The following ADGRE2 variants were observed in gnomAD, a reference collection of about 807,000 sequenced individuals.
ADGRE2 encodes the protein adhesion G protein-coupled receptor E2.
A neutral mutation model predicts 100.8 loss-of-function variants in ADGRE2; 83 were observed. The observed-to-expected ratio is 0.82, with a 90% confidence interval of 0.69 to 0.99. The LOEUF is 0.99. Among genes scored for constraint, ADGRE2 ranks in the 50% least tolerant of loss-of-function variants. The pLI, the probability that ADGRE2 is intolerant of heterozygous loss-of-function variation, is 0.00. For missense variants in ADGRE2, 814 were observed against 1,035.7 expected (o/e 0.79, Z 2.94); for synonymous variants, 355 against 413.0 (o/e 0.86, Z 1.70).
chr19:14,768,071 G>C (rs1430997331), intron 5 of ADGRE2, among the ~76,000 whole-genome samples: 1 of 152,210 alleles, frequency 6.6e-6, no homozygotes, highest in Non-Finnish European at 1.5e-5. Flanking sequence ...CATGGCTCCA[G>C]CATCTGCTTC....
intron 4 of ADGRE2, 119 bp from the exon 5 acceptor site, chr19:14,772,616 C>T (rs950132514): frequency 3.3e-6 from 4 of 1,210,150 alleles, no homozygotes; most frequent in Non-Finnish European, 2.3e-6. Flanking sequence ...GAAAGGATCT[C>T]AAGTTGCACT....
At chr19:14,748,667 T>C (rs2043167485) in intron 16 of ADGRE2, among the ~76,000 whole-genome samples, 1 of 152,184 alleles carries the variant, frequency 6.6e-6, no homozygotes. Flanking sequence ...TCGTTTTCAT[T>C]TGTTTTGGGT....
the ADGRE2 span, among the ~76,000 whole-genome samples, chr19:14,726,729 A>G: frequency 6.6e-6 from 1 of 152,184 alleles, no homozygotes; most frequent in South Asian, 2.1e-4. Flanking sequence ...GGGAATAACA[A>G]GGCTGACCTT....
chr19:14,736,048 C>T lies in ADGRE2; in HGVS notation c.*188G>A. Reference sequence around the variant, plus strand: ...AGAGTTTGATGAGCACATTGCAGGGCATGGAAGATTTCCGGTTTCTGCAGG... The same window carrying T: ...AGAGTTTGATGAGCACATTGCAGGGTATGGAAGATTTCCGGTTTCTGCAGG... On this transcript the variant is annotated 3_prime_UTR_variant, in exon 21 of 21. Transcript: ENST00000315576. The T allele has an allele frequency of 1.6e-6, 1 of 608,662 alleles. No homozygotes were observed. The highest frequency in any genetic ancestry group is 2.0e-5 in the South Asian group (1 of 49,816). 37.7% of individuals were successfully genotyped at this position (608,662 alleles called of 1,614,324 possible).
chr19:14,758,884 CAAA>C (rs77345554), intron 11 of ADGRE2, among the ~76,000 whole-genome samples: 1 of 110,458 alleles, frequency 9.1e-6, no homozygotes, highest in Non-Finnish European at 1.7e-5. Context: ...GACTCCGTCT[CAAA>C]AAAAAAAAAA....
chr19:14,765,221 C>T, intron 10 of ADGRE2, 99 bp downstream of exon 10: 1 of 1,246,960 alleles, frequency 8.0e-7, no homozygotes, highest in Non-Finnish European at 1.2e-6. Context: ...GCACCCACTG[C>T]ATTGGGTCCT....
At chr19:14,726,801 A>G in the ADGRE2 span, among the ~76,000 whole-genome samples, 4 of 152,084 alleles carry the variant, frequency 2.6e-5, no homozygotes, top group Non-Finnish European at 4.4e-5. Context: ...CACTGTCCAT[A>G]TCTCTACCAG....
At chr19:14,759,127 G>C (rs1388276397) in intron 11 of ADGRE2, among the ~76,000 whole-genome samples, 1 of 152,100 alleles carries the variant, frequency 6.6e-6, no homozygotes, top group African/African-American at 2.4e-5. Context: ...CTACCTGGCT[G>C]GCTCCACGTT....
At chr19:14,774,431 AACAG>A in intron 2 of ADGRE2, 125 bp from the exon 3 acceptor site, 2 of 1,503,910 alleles carry the variant, frequency 1.3e-6, no homozygotes, top group Non-Finnish European at 1.8e-6. Flanking sequence ...CCATCGTTCA[AACAG>A]AGTGAGCAGA....
Position 14,766,369 on chromosome 19 carries a change from C to A in ADGRE2, c.500G>T (p.Cys167Phe), listed in dbSNP as rs773667126. The A allele has an allele frequency of 1.9e-6, 3 of 1,613,822 alleles. No homozygotes were observed. In the East Asian group the frequency reaches 6.7e-5, roughly 36 times the overall value. ...DPKLCTDVNE[C>F]TSGQNPCHSS... ...GTGGCATGGGTTTTGTCCGGAGGTGCATTCATTCACATCTGAGGACAAAGC... is the reference window on the plus strand; with the variant it reads ...GTGGCATGGGTTTTGTCCGGAGGTGAATTCATTCACATCTGAGGACAAAGC... The change falls in exon 7 of 21, where the codon TGC becomes TTC. Residue 167 changes from cysteine (C) to phenylalanine (F), a missense_variant. Physicochemically the swap from Cys to Phe is radical, Grantham distance 205 (BLOSUM62 -2). This residue lies in a region of ADGRE2 where 69 missense variants were observed against 75.3 expected (regional missense o/e 0.92). Transcript: ENST00000315576.
At chr19:14,730,865 T>G (rs1429700526), downstream of ADGRE2, among the ~76,000 whole-genome samples, 1 of 151,886 alleles carries the variant, frequency 6.6e-6, no homozygotes, top group African/African-American at 2.4e-5. Context: ...TATGTTCACG[T>G]GTACCCAATA....
Position 14,772,476 on chromosome 19 carries a change from A to G in ADGRE2, c.221T>C (p.Leu74Pro), listed in dbSNP as rs778777170. ...TCDDINECAT[L>P]SKVSCGKFSD... ...GAATTTTCCGCATGACACTTTCGAC[A>G]GTGTTGCACACTCGTTGATGTCTGG... Residue 74 changes from leucine to proline, a missense_variant, in exon 5 of 21, where the codon CTG becomes CCG. This residue lies in a region of ADGRE2 where 143 missense variants were observed against 160.3 expected (regional missense o/e 0.89). Coordinates refer to ENST00000315576, the MANE Select transcript of ADGRE2 (RefSeq NM_013447.4). The G allele has an allele frequency of 1.1e-5, 18 of 1,613,874 alleles. No homozygotes were observed. The highest frequency in any genetic ancestry group is 6.7e-5 in the Admixed American group (4 of 59,958).
intron 5 of ADGRE2, among the ~76,000 whole-genome samples, chr19:14,769,369 C>T (rs780672487): frequency 1.2e-4 from 19 of 152,164 alleles, no homozygotes; most frequent in East Asian, 5.8e-4. Context: ...GTGTTTGGGA[C>T]GGCCCTGTGA....
chr19:14,765,091 C>A (rs1483877159), intron 10 of ADGRE2, among the ~76,000 whole-genome samples: 1 of 152,184 alleles, frequency 6.6e-6, no homozygotes, highest in Non-Finnish European at 1.5e-5. Flanking sequence ...GCCAACACTT[C>A]TGTGCAATAT....
rs763127423 is a variant in ADGRE2 at position 14,767,031 on chromosome 19, C to T, written c.434G>A (p.Cys145Tyr). The T allele has an allele frequency of 8.7e-7, 1 of 1,144,108 alleles. No homozygotes were observed. The allele number at this position is 1,144,108 out of a possible 1,614,324, so 70.9% of individuals were successfully genotyped here. ...GAGCTTGAAGCCAGGCAGGCACTGG[C>T]ACGTGTAGCTGCCGAGGGTGTTGAC... ...TCVNTLGSYT[C>Y]QCLPGFKLKP... The change falls in exon 6 of 21, where the codon TGC (cysteine) becomes TAC (tyrosine). Residue 145 changes from cysteine (C) to tyrosine (Y), a missense_variant. Transcript: ENST00000315576.
At chr19:14,751,875 A>G (rs974758689) in intron 15 of ADGRE2, among the ~76,000 whole-genome samples, 1 of 149,390 alleles carries the variant, frequency 6.7e-6, no homozygotes, top group African/African-American at 2.5e-5. Flanking sequence ...ATATATATAT[A>G]CGTGTATATA....
intron 16 of ADGRE2, among the ~76,000 whole-genome samples, chr19:14,750,695 T>C (rs987263746): frequency 6.6e-6 from 1 of 152,202 alleles, no homozygotes; most frequent in African/African-American, 2.4e-5. Flanking sequence ...AAATGAAAAA[T>C]TGGAGTATCC....
In ADGRE2 at chr19:14,743,473, C is replaced by T. The variant is rs1201204293; in HGVS notation, c.2410G>A (p.Glu804Lys). Residue 804 changes from glutamate to lysine, a missense_variant, in exon 20 of 21, where the codon GAG becomes AAG. By Grantham distance (56) the Glu-to-Lys change is moderately conservative. Coordinates refer to ENST00000315576, the MANE Select transcript of ADGRE2 (RefSeq NM_013447.4). ...GCACTGCTGGAGAGTGTGTGCATCT[C>T]AGACTCAGTTTTCAATTTCCTGATC... ...KGIRKLKTES[E>K]MHTLSSSAKA... 1.2e-6 allele frequency: 2 copies of T among 1,614,010 alleles called. No individual in the cohort carries two copies. Among genetic ancestry groups the T allele is most frequent in the African/African-American group, 2.7e-5 (2 of 74,914 alleles).
intron 11 of ADGRE2, among the ~76,000 whole-genome samples, chr19:14,763,294 G>A (rs2043796555): frequency 1.3e-5 from 2 of 152,030 alleles, no homozygotes; most frequent in Non-Finnish European, 2.9e-5. Flanking sequence ...AGTGAGCCGA[G>A]ATCACGTCAC....
Sources: gnomAD v4.1 joint callset for allele counts (sites outside exome capture counted in the v4.1 genomes callset) on GRCh38, gnomAD v4.1.1 for gene constraint, gnomAD v4.1.1 regional missense constraint, MANE v1.5 for transcripts, NCBI Gene and HGNC (gene_info 2026-07-23, HGNC 2026-07-21) for gene names.